TF: variants seen among roughly 807,000 people sequenced by gnomAD.
The protein encoded by TF is serotransferrin.
TF carries 55 observed loss-of-function variants against 82.4 expected under a neutral mutation model. The observed-to-expected ratio is 0.67, with a 90% CI of 0.54 to 0.84. The LOEUF (loss-of-function observed/expected upper bound fraction) is 0.84. Ranked by LOEUF, TF falls within the 40% of genes least tolerant of loss-of-function variation. The probability of loss-of-function intolerance (pLI) is 0.00; values close to 1 mark genes in which losing one functional copy is unlikely to be tolerated. For synonymous variants in TF, 332 were observed against 332.6 expected (o/e 1.00, Z 0.02); for missense variants, 737 against 868.4 (o/e 0.85, Z 1.90).
At chr3:133,737,743 C>A in the TF span, among the ~76,000 whole-genome samples, 2 of 152,142 alleles carry the variant, frequency 1.3e-5, no homozygotes, top group East Asian at 1.9e-4. Context: ...GACACATACA[C>A]CCTCCCAAGA....
In TF at chr3:133,784,349, A is replaced by G. The variant is rs1392786147; in HGVS notation, c.*5729A>G. The G allele has an allele frequency of 6.6e-6, 1 of 152,010 alleles. No individual in the cohort carries two copies. The highest frequency in any genetic ancestry group is 2.4e-5 in the African/African-American group (1 of 41,368). The allele number at this position is 152,010 out of a possible 1,614,324, so 9.4% of individuals were successfully genotyped here. A position where few individuals can be genotyped will look rare whatever the true frequency, so the allele number is the denominator to read the frequency against. ...ATATCCTATGAAGAAGCTGCTCTCA[A>G]CTTCCCCCCCAGCCTTTTAAAAGAA... is the stretch of plus-strand genomic sequence containing the variant. On this transcript the variant is annotated 3_prime_UTR_variant, in exon 17 of 17. Coordinates refer to ENST00000402696, the MANE Select transcript of TF (RefSeq NM_001063.4).
chr3:133,690,818 A>G, the TF span, among the ~76,000 whole-genome samples: 1 of 152,186 alleles, frequency 6.6e-6, no homozygotes, highest in African/African-American at 2.4e-5. Flanking sequence ...GCTGGAGCCC[A>G]CGGGACGGAC....
At chr3:133,761,709 G>A (rs1176638506) in intron 9 of TF, 1 of 152,264 alleles carries the variant, frequency 6.6e-6, no homozygotes, top group East Asian at 1.9e-4. Context: ...GTACTGGATT[G>A]TGTGACAGCT....
chr3:133,685,198 G>A, the TF span, among the ~76,000 whole-genome samples: 650 of 152,244 alleles, frequency 4.3e-3, 8 homozygotes, highest in East Asian at 0.057. Flanking sequence ...TTAATGGGAC[G>A]TATCTCAAAA....
the TF span, chr3:133,707,815 G>A: frequency 1.3e-5 from 2 of 152,110 alleles, no homozygotes; most frequent in African/African-American, 4.8e-5. Context: ...ATTGGCACTG[G>A]AATAAATGAA....
At chr3:133,738,890 A>G in the TF span, among the ~76,000 whole-genome samples, 1 of 152,040 alleles carries the variant, frequency 6.6e-6, no homozygotes. Flanking sequence ...CATACTGCCC[A>G]AAGTAATTTA....
the TF span, among the ~76,000 whole-genome samples, chr3:133,686,409 G>A: frequency 6.6e-6 from 1 of 152,150 alleles, no homozygotes; most frequent in East Asian, 1.9e-4. Context: ...GAGTGAACAG[G>A]CAGCCTACAG....
Position 133,748,428 on chromosome 3 carries a change from C to G in TF, c.60C>G (p.Val20=), listed in dbSNP as rs756125441. ...CTCCCCCAGGGCTGTGTCTGGCTGT[C>G]CCTGATAAAACTGTGAGATGGTGTG... ...VCAVLGLCLA[V]PDKTVRWCAV... Residue 20 remains valine (V), a synonymous_variant, in exon 2 of 17, where the codon GTC becomes GTG. Transcript: ENST00000402696. 5 of 1,614,114 alleles carry G rather than the reference C, an allele frequency of 3.1e-6. No individual in the cohort carries two copies. In the South Asian group the frequency reaches 5.5e-5, roughly 18 times the overall value.
intron 8 of TF, 84 bp downstream of exon 8, chr3:133,758,030 G>A: frequency 7.5e-7 from 1 of 1,339,276 alleles, no homozygotes; most frequent in South Asian, 1.2e-5. Flanking sequence ...TCTTTTCAGG[G>A]ACCTGCACGC....
chr3:133,750,667 G>T (rs1933636287), intron 2 of TF, among the ~76,000 whole-genome samples: 1 of 152,206 alleles, frequency 6.6e-6, no homozygotes, highest in South Asian at 2.1e-4. Context: ...CTGAGCCCCC[G>T]AGGCACCAGT....
the TF span, among the ~76,000 whole-genome samples, chr3:133,721,321 AT>A: frequency 6.6e-6 from 1 of 152,036 alleles, no homozygotes; most frequent in Non-Finnish European, 1.5e-5. Flanking sequence ...GAATTTTTAA[AT>A]TTTCCTTTTT....
At chr3:133,692,334 A>T in the TF span, among the ~76,000 whole-genome samples, 2 of 151,708 alleles carry the variant, frequency 1.3e-5, no homozygotes, top group South Asian at 4.2e-4. Flanking sequence ...CCTCAGTCTG[A>T]CTCTTGCAGG....
the TF span, among the ~76,000 whole-genome samples, chr3:133,687,452 A>G: frequency 6.6e-6 from 1 of 152,172 alleles, no homozygotes; most frequent in Non-Finnish European, 1.5e-5. Flanking sequence ...CAATTTAACC[A>G]TTCAAAAGTG....
At chr3:133,689,073 C>T in the TF span, among the ~76,000 whole-genome samples, 373 of 152,218 alleles carry the variant, frequency 2.5e-3, 1 homozygote, top group African/African-American at 8.4e-3. Context: ...CACCTGTAAT[C>T]GCAGCACTTT....
At chr3:133,715,855 T>G in the TF span, among the ~76,000 whole-genome samples, 1 of 152,228 alleles carries the variant, frequency 6.6e-6, no homozygotes, top group Non-Finnish European at 1.5e-5. Context: ...ACTATACCAG[T>G]GATCTCTGTT....
chr3:133,765,704 A>C (rs1232219880), intron 11 of TF, among the ~76,000 whole-genome samples: 1 of 152,250 alleles, frequency 6.6e-6, no homozygotes, highest in East Asian at 1.9e-4. Context: ...AATCTGAATT[A>C]AACTGGCAAA....
the TF span, among the ~76,000 whole-genome samples, chr3:133,681,554 T>C: frequency 6.6e-6 from 1 of 152,170 alleles, no homozygotes; most frequent in Non-Finnish European, 1.5e-5. Context: ...GGAGATTATA[T>C]CCCACACATG....
the TF span, among the ~76,000 whole-genome samples, chr3:133,679,569 C>CTTTTTTTTTTTTTGTTTTTTT: frequency 1.3e-5 from 1 of 75,382 alleles, no homozygotes; most frequent in Non-Finnish European, 2.4e-5. Flanking sequence ...CTTTGTTTGG[C>CTTTTTTTTTTTTTGTTTTTTT]TTTTTTTTTT....
At chr3:133,720,265 T>C in the TF span, among the ~76,000 whole-genome samples, 2 of 152,200 alleles carry the variant, frequency 1.3e-5, no homozygotes, top group East Asian at 1.9e-4. Context: ...TGTGTTGAGG[T>C]ACATACTTTC....
Sources: gnomAD v4.1 joint callset for allele counts (sites outside exome capture counted in the v4.1 genomes callset) on GRCh38, gnomAD v4.1.1 for gene constraint, MANE v1.5 for transcripts, NCBI Gene and HGNC (gene_info 2026-07-23, HGNC 2026-07-21) for gene names.